NFIC: variants seen among roughly 807,000 people sequenced by gnomAD.
The protein encoded by NFIC is nuclear factor I C.
NFIC carries 12 observed loss-of-function variants against 54.4 expected under a neutral mutation model. That is an observed-to-expected ratio of 0.22 (90% confidence interval 0.14 to 0.36). NFIC has a LOEUF of 0.36. Ranked by LOEUF, NFIC falls within the 10% of genes least tolerant of loss-of-function variation. The pLI is 1.00. For missense variants in NFIC, 575 were observed against 718.2 expected (o/e 0.80, Z 2.28); for synonymous variants, 322 against 319.2 (o/e 1.01, Z -0.09).
intron 3 of NFIC, among the ~76,000 whole-genome samples, chr19:3,429,249 T>TACACACACACAC (rs1568443742): frequency 3.7e-5 from 1 of 27,140 alleles, no homozygotes; most frequent in African/African-American, 1.3e-4. Context: ...AAAAAAAAAA[T>TACACACACACAC]ATATACACAC....
chr19:3,366,547 T>TGGGGGGGGGG (rs1297245047), upstream of NFIC: 34 of 353,466 alleles, frequency 9.6e-5, no homozygotes, highest in South Asian at 7.2e-4. Flanking sequence ...GGGGGGGGGT[T>TGGGGGGGGGG]GGGGGGGGCG....
At chr19:3,388,424 C>A (rs2081331259) in intron 2 of NFIC, among the ~76,000 whole-genome samples, 1 of 152,134 alleles carries the variant, frequency 6.6e-6, no homozygotes, top group African/African-American at 2.4e-5. Flanking sequence ...CTCTCGTGTT[C>A]TAGTGGAGGA....
rs1027146196 is a variant in NFIC at position 3,452,439 on chromosome 19, G to C, written c.1085-43G>C. Reference sequence around the variant, plus strand: ...AGTCACACGGTCACAGAGCAGACCGGCTGGAGCCCCCAAGTAACCCCCGCT... The same window carrying C: ...AGTCACACGGTCACAGAGCAGACCGCCTGGAGCCCCCAAGTAACCCCCGCT... On this transcript the variant is annotated intron_variant, in intron 7 of 10. Transcript: ENST00000443272. The surrounding 1 kb of genome is among the most constrained non-coding windows in gnomAD (Gnocchi z 5.3). 4.4e-5 allele frequency: 71 copies of C among 1,602,842 alleles called. No homozygotes were observed. Among genetic ancestry groups the C allele is most frequent in the Non-Finnish European group, 5.9e-5 (69 of 1,177,384 alleles).
At chr19:3,387,438 G>A (rs868619553) in intron 2 of NFIC, among the ~76,000 whole-genome samples, 5 of 152,308 alleles carry the variant, frequency 3.3e-5, no homozygotes, top group African/African-American at 1.2e-4. Flanking sequence ...GGAGGTTGCA[G>A]TGAGCCAAGA....
intron 2 of NFIC, among the ~76,000 whole-genome samples, chr19:3,391,861 A>G (rs951931446): frequency 6.6e-6 from 1 of 152,128 alleles, no homozygotes; most frequent in Non-Finnish European, 1.5e-5. Flanking sequence ...ATCATGGAAC[A>G]ATAAATAAGA....
chr19:3,457,651 C>T (rs1032023272), intron 10 of NFIC, among the ~76,000 whole-genome samples: 4 of 152,182 alleles, frequency 2.6e-5, no homozygotes, highest in Non-Finnish European at 5.9e-5. Context: ...GGCCACGGAA[C>T]TGCAGAGCGT....
rs1176001849 is a variant in NFIC at position 3,467,758 on chromosome 19, C to CATACATATATATATATAT, written c.*4992_*4993insCATATATATATATATATA. The CATACATATATATATATAT allele has an allele frequency of 1.4e-5, 1 of 69,636 alleles. No homozygotes were observed. Among genetic ancestry groups the CATACATATATATATATAT allele is most frequent in the South Asian group, 4.8e-4 (1 of 2,086 alleles). 4.3% of individuals were successfully genotyped at this position (69,636 alleles called of 1,614,324 possible). A position where few individuals can be genotyped will look rare whatever the true frequency, so the allele number is the denominator to read the frequency against. ...ACCTCCAGTGTAGGGCTATACTATACATATATATATATATATATATATATA... is the reference window on the plus strand; with the variant it reads ...ACCTCCAGTGTAGGGCTATACTATACATACATATATATATATATATATATATATATATATATATATATA... On this transcript the variant is annotated 3_prime_UTR_variant, in exon 11 of 11. Coordinates refer to ENST00000443272, the MANE Select transcript of NFIC (RefSeq NM_001245002.2).
At position 3,449,129 on chromosome 19, in the gene NFIC, C is replaced by T. The variant is rs375318776; in HGVS notation, c.1074C>T (p.Ala358=). 9.9e-6 allele frequency: 16 copies of T among 1,613,124 alleles called. No homozygotes were observed. The highest frequency in any genetic ancestry group is 1.7e-4 in the Middle Eastern group (1 of 6,058). The part of the protein sequence containing the change: ...SFTQHHRPVI[A]VHSGIARSPH... ...CCCAGCACCACCGGCCCGTCATCGC[C>T]GTGCACAGCGGTAAGCGCCACGGGC... The change falls in exon 7 of 11, where the codon GCC becomes GCT. Residue 358 remains alanine, a synonymous_variant. Transcript: ENST00000443272.
rs57948823 is a variant in NFIC, at chr19:3,429,253, T to TACACACACACACACACACAC, written c.634+4099_634+4118dup. 2.4e-3 allele frequency among the ~76,000 whole-genome samples: 122 copies of TACACACACACACACACACAC among 50,776 alleles called. 4 individuals are homozygous for TACACACACACACACACACAC. The highest frequency in any genetic ancestry group is 3.5e-3 in the East Asian group (4 of 1,128). The allele number at this position is 50,776 out of a possible 152,430, so 33.3% of individuals were successfully genotyped here. On this transcript the variant is annotated intron_variant, in intron 3 of 10. Coordinates refer to ENST00000443272, the MANE Select transcript of NFIC (RefSeq NM_001245002.2). ...CCCCAAAAAAAAAAAAAAAAATATA[T>TACACACACACACACACACAC]ACACACACACACACACACACACACA... is the stretch of plus-strand genomic sequence containing the variant.
rs59760975 is a variant in NFIC, at chr19:3,430,931, C to CAAAAAAAAAAAA, written c.635-2583_635-2572dup. ...TGGGCGACAGAGTGAGACTCCGTCTCAAAAAAAAAAAAAAAGAAAAGAAAA... is the reference window on the plus strand; with the variant it reads ...TGGGCGACAGAGTGAGACTCCGTCTCAAAAAAAAAAAAAAAAAAAAAAAAAAAGAAAAGAAAA... On this transcript the variant is annotated intron_variant, in intron 3 of 10. Coordinates refer to ENST00000443272, the MANE Select transcript of NFIC (RefSeq NM_001245002.2). 4.1e-3 allele frequency among the ~76,000 whole-genome samples: 327 copies of CAAAAAAAAAAAA among 79,968 alleles called. 1 individual carries two copies. The highest frequency in any genetic ancestry group is 8.8e-3 in the African/African-American group (184 of 20,940). 52.5% of individuals were successfully genotyped at this position (79,968 alleles called of 152,430 possible). A position where few individuals can be genotyped will look rare whatever the true frequency, so the allele number is the denominator to read the frequency against.
chr19:3,387,968 CG>C (rs1259282864), intron 2 of NFIC, among the ~76,000 whole-genome samples: 5 of 152,078 alleles, frequency 3.3e-5, no homozygotes, highest in Non-Finnish European at 5.9e-5. Context: ...ATCTGAGGCG[CG>C]GGCGGGCACC....
upstream of NFIC, chr19:3,366,556 C>CGGGGGGGGGGTGGGGGGGGGG: frequency 2.0e-6 from 1 of 490,742 alleles, no homozygotes; most frequent in Non-Finnish European, 2.9e-6. Context: ...TTGGGGGGGG[C>CGGGGGGGGGGTGGGGGGGGGG]GGGGGGGTGG....
intron 7 of NFIC, among the ~76,000 whole-genome samples, chr19:3,449,670 G>A (rs2145675536): frequency 6.6e-6 from 1 of 150,532 alleles, no homozygotes; most frequent in South Asian, 2.1e-4. Flanking sequence ...TGAGGCAGGA[G>A]AATTGCTTGA....
intron 6 of NFIC, among the ~76,000 whole-genome samples, chr19:3,443,928 C>T (rs1011799665): frequency 2.6e-5 from 4 of 152,218 alleles, no homozygotes; most frequent in East Asian, 1.9e-4. Context: ...TGCCCTGCAT[C>T]GGGGCCTCTG....
At position 3,453,032 on chromosome 19, in the gene NFIC, C is replaced by G. The variant is rs1048293245; in HGVS notation, c.1269+366C>G. Among the ~76,000 whole-genome samples the G allele has an allele frequency of 4.6e-5, 7 of 152,168 alleles. No homozygotes were observed. Among genetic ancestry groups the G allele is most frequent in the African/African-American group, 1.7e-4 (7 of 41,442 alleles). On this transcript the variant is annotated intron_variant, in intron 8 of 10. Coordinates refer to ENST00000443272, the MANE Select transcript of NFIC (RefSeq NM_001245002.2). This position sits in a 1 kb window ranked among gnomAD's most constrained non-coding sequence, Gnocchi z 6.7. ...GGGAGGATTGCATAAGCCCAGAGTT[C>G]AAGACCAACCTGGGCAGCATAGCGT...
chr19:3,418,990 C>T (rs1007685479), intron 2 of NFIC, among the ~76,000 whole-genome samples: 1 of 152,018 alleles, frequency 6.6e-6, no homozygotes, highest in African/African-American at 2.4e-5. Context: ...ACAAATACTG[C>T]AAGTCCACTC....
intron 6 of NFIC, among the ~76,000 whole-genome samples, chr19:3,436,412 C>A (rs2145636731): frequency 6.7e-6 from 1 of 150,366 alleles, no homozygotes; most frequent in Middle Eastern, 3.5e-3. Flanking sequence ...TTTCCTCCTG[C>A]CTCGTCCTCC....
Position 3,459,698 on chromosome 19 carries a change from G to T in NFIC, c.1510-3054G>T, listed in dbSNP as rs1050398539. On this transcript the variant is annotated intron_variant, in intron 10 of 10. Coordinates refer to ENST00000443272, the MANE Select transcript of NFIC (RefSeq NM_001245002.2). This position sits in a 1 kb window ranked among gnomAD's most constrained non-coding sequence, Gnocchi z 4.2. ...GGGAGGAGGGAGGAAGGGCTGAGGGGAGGCTGGTCCACCACGGGGAGGGTC... is the reference window on the plus strand; with the variant it reads ...GGGAGGAGGGAGGAAGGGCTGAGGGTAGGCTGGTCCACCACGGGGAGGGTC... Among the ~76,000 whole-genome samples, 2 of 152,248 alleles carry T rather than the reference G, an allele frequency of 1.3e-5. No individual in the cohort carries two copies. Among genetic ancestry groups the T allele is most frequent in the African/African-American group, 4.8e-5 (2 of 41,460 alleles).
chr19:3,445,723 C>T lies in NFIC; in HGVS notation c.959-3291C>T, dbSNP rs10401784. On this transcript the variant is annotated intron_variant, in intron 6 of 10. Transcript: ENST00000443272. ...CCTGGGCTGCAGCCATCAGAGAGGA[C>T]GGAAGTTCCCTGAGTGGTAACCCCG... Among the ~76,000 whole-genome samples, 4 of 151,978 alleles carry T rather than the reference C, an allele frequency of 2.6e-5. No homozygotes were observed. The East Asian group carries it at 5.8e-4, about 22-fold the overall frequency.
Sources: allele counts gnomAD v4.1 joint callset (sites outside exome capture counted in the v4.1 genomes callset), GRCh38; gene constraint gnomAD v4.1.1; non-coding constraint Gnocchi (gnomAD v3.1); transcripts MANE v1.5; gene names NCBI Gene and HGNC (gene_info 2026-07-23, HGNC 2026-07-21).